PEX5L: variants seen among roughly 807,000 people sequenced by gnomAD.
PEX5L encodes the protein peroxisomal biogenesis factor 5 like.
PEX5L carries 30 observed loss-of-function variants against 84.0 expected under a neutral mutation model. That is an observed-to-expected ratio of 0.36 (90% CI 0.27 to 0.48). The LOEUF is 0.48. PEX5L is among the 20% of genes least tolerant of loss of function. The pLI, the probability that PEX5L is intolerant of heterozygous loss-of-function variation, is 0.99. For synonymous variants in PEX5L, 270 were observed against 283.1 expected, an observed-to-expected ratio of 0.95 and a Z score of 0.46; for missense variants, 533 against 754.6, an observed-to-expected ratio of 0.71 and a Z score of 3.44.
intron 8 of PEX5L, among the ~76,000 whole-genome samples, chr3:179,835,005 G>GACATA (rs1375497418): frequency 6.6e-6 from 1 of 152,172 alleles, no homozygotes; most frequent in East Asian, 1.9e-4. Context: ...AGACATAGAA[G>GACATA]GAAGATGGCC....
chr3:179,866,145 AG>A (rs1748052421), intron 7 of PEX5L, among the ~76,000 whole-genome samples: 1 of 152,198 alleles, frequency 6.6e-6, no homozygotes, highest in African/African-American at 2.4e-5. Flanking sequence ...GAGAGAAGAA[AG>A]GATTTAACAG....
intron 1 of PEX5L, 140 bp from the exon 2 acceptor site, chr3:179,971,805 A>G: frequency 1.2e-6 from 1 of 813,796 alleles, no homozygotes; most frequent in Non-Finnish European, 1.8e-6. Flanking sequence ...TTGCTCATGT[A>G]CAACAGCAAA....
chr3:179,844,434 G>A (rs1284972511), intron 8 of PEX5L, among the ~76,000 whole-genome samples: 1 of 152,216 alleles, frequency 6.6e-6, no homozygotes, highest in Non-Finnish European at 1.5e-5. Flanking sequence ...TTCATGATAG[G>A]TGGGAAGCAA....
At chr3:179,921,315 C>T (rs1769304638) in intron 2 of PEX5L, among the ~76,000 whole-genome samples, 2 of 152,116 alleles carry the variant, frequency 1.3e-5, no homozygotes, top group Non-Finnish European at 2.9e-5. Flanking sequence ...AATAGCATGT[C>T]ACACTAGAGC....
chr3:179,943,454 C>A lies in PEX5L; in HGVS notation c.93+28140G>T, dbSNP rs577974974. Reference sequence around the variant, plus strand: ...AAAACTGGCTTTTAATTCATTTATCCAAAGTATTTAAATGTGTAATAATTA... The same window carrying A: ...AAAACTGGCTTTTAATTCATTTATCAAAAGTATTTAAATGTGTAATAATTA... On this transcript the variant is annotated intron_variant, in intron 2 of 14. Coordinates refer to ENST00000467460, the MANE Select transcript of PEX5L (RefSeq NM_016559.3). Among the ~76,000 whole-genome samples the A allele has an allele frequency of 2.0e-5, 3 of 152,258 alleles. No homozygotes were observed. The South Asian group carries it at 6.2e-4, about 32-fold the overall frequency.
chr3:180,023,011 G>T (rs886563288), intron 1 of PEX5L, among the ~76,000 whole-genome samples: 5 of 152,182 alleles, frequency 3.3e-5, no homozygotes, highest in African/African-American at 9.7e-5. Flanking sequence ...CAGAAAACTT[G>T]CAAAATCATT....
chr3:179,845,291 T>C (rs1322418264), intron 8 of PEX5L, among the ~76,000 whole-genome samples: 1 of 152,254 alleles, frequency 6.6e-6, no homozygotes, highest in Non-Finnish European at 1.5e-5. Context: ...ATAAGTGTTT[T>C]ATTCTCAGAT....
intron 1 of PEX5L, among the ~76,000 whole-genome samples, chr3:180,025,507 T>G (rs1357879428): frequency 6.6e-6 from 1 of 152,224 alleles, no homozygotes; most frequent in African/African-American, 2.4e-5. Context: ...GTATTATCAA[T>G]GCATGTAAGC....
chr3:179,904,071 T>C (rs1389131721), intron 2 of PEX5L, among the ~76,000 whole-genome samples: 1 of 152,252 alleles, frequency 6.6e-6, no homozygotes, highest in Non-Finnish European at 1.5e-5. Context: ...AAATGTGATT[T>C]ACAATTCCTT....
At chr3:180,002,454 CCTAA>C (rs775984429) in intron 1 of PEX5L, among the ~76,000 whole-genome samples, 40 of 152,072 alleles carry the variant, frequency 2.6e-4, no homozygotes, top group South Asian at 4.1e-4. Flanking sequence ...ATTGCATTTC[CCTAA>C]CTATTAGTTA....
intron 8 of PEX5L, among the ~76,000 whole-genome samples, chr3:179,852,744 TA>T (rs993005186): frequency 2.0e-5 from 3 of 152,180 alleles, no homozygotes; most frequent in African/African-American, 4.8e-5. Flanking sequence ...CATTATTCTT[TA>T]AAAAAATTTG....
At chr3:179,957,936 C>A (rs927527084) in intron 2 of PEX5L, among the ~76,000 whole-genome samples, 1 of 152,148 alleles carries the variant, frequency 6.6e-6, no homozygotes, top group African/African-American at 2.4e-5. Flanking sequence ...TAGGCATCTG[C>A]TCTTTTTTGC....
At position 179,797,605 on chromosome 3, in the gene PEX5L, A is replaced by AAAATATATATATATATATAT. The variant is rs1553807980; in HGVS notation, c.*4222_*4223insATATATATATATATATATTT. On this transcript the variant is annotated 3_prime_UTR_variant, in exon 15 of 15. Coordinates refer to ENST00000467460, the MANE Select transcript of PEX5L (RefSeq NM_016559.3). ...AACACTCTTTAAAAAAAAAAAAAAA[A>AAAATATATATATATATATAT]ATATATATATATATATATATATATA... is the stretch of plus-strand genomic sequence containing the variant. 1.1e-5 allele frequency: 1 copy of AAAATATATATATATATATAT among 89,160 alleles called. No homozygotes were observed. The highest frequency in any genetic ancestry group is 4.5e-5 in the African/African-American group (1 of 22,218). 5.5% of individuals were successfully genotyped at this position (89,160 alleles called of 1,614,324 possible).
chr3:179,796,300 C>T lies in PEX5L; in HGVS notation c.*5528G>A, dbSNP rs1716930417. ...GTGCAGGCTTCTATTAAGTATCCCA[C>T]GGAGCTCATCAGGGTTTTGCTCTGA... On this transcript the variant is annotated 3_prime_UTR_variant, in exon 15 of 15. Coordinates refer to ENST00000467460, the MANE Select transcript of PEX5L (RefSeq NM_016559.3). 3 of 152,082 alleles carry T rather than the reference C, an allele frequency of 2.0e-5. No individual in the cohort carries two copies. The highest frequency in any genetic ancestry group is 2.1e-4 in the South Asian group (1 of 4,822). 9.4% of individuals were successfully genotyped at this position (152,082 alleles called of 1,614,324 possible).
At chr3:179,804,628 C>A (rs986140341) in intron 14 of PEX5L, among the ~76,000 whole-genome samples, 2 of 152,154 alleles carry the variant, frequency 1.3e-5, no homozygotes, top group Non-Finnish European at 1.5e-5. Flanking sequence ...AATGTGATGA[C>A]AAGCAGCAAA....
At chr3:179,956,180 C>T (rs1780508583) in intron 2 of PEX5L, among the ~76,000 whole-genome samples, 1 of 152,130 alleles carries the variant, frequency 6.6e-6, no homozygotes, top group African/African-American at 2.4e-5. Flanking sequence ...TGTTCAAGGT[C>T]AAATAGAAAG....
intron 3 of PEX5L, among the ~76,000 whole-genome samples, chr3:179,894,359 CT>C (rs1245063380): frequency 1.3e-5 from 2 of 152,014 alleles, no homozygotes; most frequent in Non-Finnish European, 2.9e-5. Flanking sequence ...TTCTTCTGAG[CT>C]TATAGTACTA....
chr3:180,014,675 A>G (rs1789786966), intron 1 of PEX5L, among the ~76,000 whole-genome samples: 1 of 152,182 alleles, frequency 6.6e-6, no homozygotes, highest in Non-Finnish European at 1.5e-5. Flanking sequence ...ATATAAAAAC[A>G]GTTTTAAAAT....
Position 179,880,110 on chromosome 3 carries a change from G to A in PEX5L, c.324C>T (p.Gly108=). The change falls in exon 5 of 15, where the codon GGC becomes GGT. Residue 108 remains glycine (G), a synonymous_variant. Transcript: ENST00000467460. Reference sequence around the variant, plus strand: ...GTTCACTCAGGTCGAGGAGATCTAAGCCAGTGGTCAATACTACCAGAAATG... The same window carrying A: ...GTTCACTCAGGTCGAGGAGATCTAAACCAGTGGTCAATACTACCAGAAATG... ...VTSNTAVLTT[G]LDLLDLSEPV... is the part of the protein sequence containing the mutation. 1 of 1,605,396 alleles carries A rather than the reference G, an allele frequency of 6.2e-7. No individual in the cohort carries two copies. Among genetic ancestry groups the A allele is most frequent in the Non-Finnish European group, 8.5e-7 (1 of 1,176,012 alleles).
Sources: allele counts gnomAD v4.1 joint callset (sites outside exome capture counted in the v4.1 genomes callset), GRCh38; gene constraint gnomAD v4.1.1; transcripts MANE v1.5; gene names NCBI Gene and HGNC (gene_info 2026-07-23, HGNC 2026-07-21).